The following CFAP54 variants were observed in gnomAD, a reference collection of about 807,000 sequenced individuals.
CFAP54 encodes the protein cilia- and flagella-associated protein 54.
Under a neutral mutation model 370.4 loss-of-function variants are expected in CFAP54, and 290 were observed. The observed-to-expected ratio is 0.78, with a 90% confidence interval of 0.71 to 0.86. The LOEUF is 0.86. Ranked by LOEUF, CFAP54 falls within the 40% of genes least tolerant of loss-of-function variation. CFAP54 has a pLI of 0.00. For synonymous variants in CFAP54, 1,206 were observed against 1,236.5 expected (o/e 0.98, Z 0.52); for missense variants, 3,399 against 3,528.7 (o/e 0.96, Z 0.93).
At position 96,757,901 on chromosome 12, in the gene CFAP54, G is replaced by A. The variant is rs866669437; in HGVS notation, c.8040+313G>A. Reference sequence around the variant, plus strand: ...GTTTCATGGATAACATAAATGCAAGGCAATGAATGAGTCATTAGTATTGAT... The same window carrying A: ...GTTTCATGGATAACATAAATGCAAGACAATGAATGAGTCATTAGTATTGAT... On this transcript the variant is annotated intron_variant, in intron 58 of 67. Coordinates refer to ENST00000524981, the MANE Select transcript of CFAP54 (RefSeq NM_001306084.2). 5.9e-5 allele frequency among the ~76,000 whole-genome samples: 9 copies of A among 152,158 alleles called. No individual in the cohort carries two copies. The Middle Eastern group carries it at 0.014, about 230-fold the overall frequency.
chr12:96,839,345 T>G (rs1959197325), intron 66 of CFAP54, among the ~76,000 whole-genome samples: 1 of 152,224 alleles, frequency 6.6e-6, no homozygotes, highest in African/African-American at 2.4e-5. Flanking sequence ...TTACTATTAC[T>G]CTCATTTAAG....
chr12:96,796,076 G>C (rs1958758562), intron 63 of CFAP54, among the ~76,000 whole-genome samples: 1 of 152,178 alleles, frequency 6.6e-6, no homozygotes, highest in Non-Finnish European at 1.5e-5. Context: ...CCCCAGTGAG[G>C]ATGTTTGTTT....
intron 9 of CFAP54, among the ~76,000 whole-genome samples, chr12:96,529,014 GATTT>G (rs1161754154): frequency 6.6e-6 from 1 of 152,130 alleles, no homozygotes; most frequent in East Asian, 1.9e-4. Flanking sequence ...TACGCAGTGT[GATTT>G]ATTCTTTGAT....
intron 48 of CFAP54, among the ~76,000 whole-genome samples, chr12:96,709,626 T>G (rs1052140057): frequency 6.6e-6 from 1 of 152,038 alleles, no homozygotes. Flanking sequence ...TCTATTGATA[T>G]GGTATGTTAC....
intron 35 of CFAP54, among the ~76,000 whole-genome samples, chr12:96,651,227 T>A (rs1443581550): frequency 6.6e-6 from 1 of 152,202 alleles, no homozygotes; most frequent in South Asian, 2.1e-4. Flanking sequence ...ATGTCTACTT[T>A]TCTAGTGTCC....
intron 40 of CFAP54, among the ~76,000 whole-genome samples, chr12:96,681,414 G>C (rs1055642661): frequency 7.4e-6 from 1 of 135,366 alleles, no homozygotes. Context: ...CCTGTGTGTT[G>C]CTTCTATCCC....
At chr12:96,604,966 GC>G (rs1459316257) in intron 26 of CFAP54, among the ~76,000 whole-genome samples, 11 of 152,150 alleles carry the variant, frequency 7.2e-5, no homozygotes, top group Non-Finnish European at 1.3e-4. Flanking sequence ...GCTTTGGCTG[GC>G]CCTCCATGGG....
At chr12:96,796,258 T>TG (rs1202961025) in intron 63 of CFAP54, among the ~76,000 whole-genome samples, 1 of 152,192 alleles carries the variant, frequency 6.6e-6, no homozygotes, top group African/African-American at 2.4e-5. Flanking sequence ...TCCATTCGAG[T>TG]GGGAACTGCA....
intron 32 of CFAP54, among the ~76,000 whole-genome samples, chr12:96,640,531 C>T (rs1337735128): frequency 6.6e-6 from 1 of 152,184 alleles, no homozygotes; most frequent in African/African-American, 2.4e-5. Flanking sequence ...ATGCCATCCC[C>T]ATCAACCTAC....
intron 15 of CFAP54, among the ~76,000 whole-genome samples, chr12:96,551,599 G>A (rs963025183): frequency 6.6e-6 from 1 of 151,550 alleles, no homozygotes; most frequent in Non-Finnish European, 1.5e-5. Context: ...AATACATAAT[G>A]CAATACATTG....
intron 12 of CFAP54, among the ~76,000 whole-genome samples, chr12:96,536,540 T>C (rs1216581375): frequency 6.6e-6 from 1 of 152,028 alleles, no homozygotes; most frequent in Non-Finnish European, 1.5e-5. Context: ...ATTATTACAG[T>C]GGGAGAGCTA....
chr12:96,653,116 C>T (rs1267949792), intron 36 of CFAP54, among the ~76,000 whole-genome samples: 3 of 152,206 alleles, frequency 2.0e-5, no homozygotes, highest in South Asian at 2.1e-4. Context: ...TCAGACTTCA[C>T]TCCATGTACC....
chr12:96,534,514 A>G (rs904833711), intron 11 of CFAP54, among the ~76,000 whole-genome samples: 3 of 152,118 alleles, frequency 2.0e-5, no homozygotes, highest in Non-Finnish European at 4.4e-5. Context: ...ATGAGGTTCT[A>G]TTTACTTTCC....
Position 96,720,540 on chromosome 12 carries a change from C to G in CFAP54, c.6940C>G (p.Leu2314Val), listed in dbSNP as rs141702931. The G allele has an allele frequency of 3.6e-4, 565 of 1,572,788 alleles. No individual in the cohort carries two copies. Among genetic ancestry groups the G allele is most frequent in the Non-Finnish European group, 4.5e-4 (522 of 1,156,054 alleles). The part of the protein sequence containing the change: ...EARLQLAAVA[L>V]QRHRAAYSAA... Reference sequence around the variant, plus strand: ...CCGGCTTCAGCTGGCTGCAGTTGCTCTGCAGAGGCACCGGGCGGCATACAG... The same window carrying G: ...CCGGCTTCAGCTGGCTGCAGTTGCTGTGCAGAGGCACCGGGCGGCATACAG... Residue 2314 changes from leucine (L) to valine (V), a missense_variant, in exon 50 of 68, where the codon CTG becomes GTG. Coordinates refer to ENST00000524981, the MANE Select transcript of CFAP54 (RefSeq NM_001306084.2).
intron 66 of CFAP54, among the ~76,000 whole-genome samples, chr12:96,852,876 T>C (rs1438492362): frequency 3.3e-5 from 5 of 152,102 alleles, no homozygotes; most frequent in Non-Finnish European, 7.4e-5. Context: ...TGTTACTAGT[T>C]TTCAGGGATG....
At chr12:96,873,180 A>C (rs893776302) in intron 67 of CFAP54, among the ~76,000 whole-genome samples, 1 of 152,238 alleles carries the variant, frequency 6.6e-6, no homozygotes, top group Non-Finnish European at 1.5e-5. Context: ...AAGGATCATG[A>C]GAACATAAGT....
intron 50 of CFAP54, among the ~76,000 whole-genome samples, chr12:96,733,516 T>TGC (rs1001082464): frequency 6.7e-6 from 1 of 148,860 alleles, no homozygotes; most frequent in African/African-American, 2.5e-5. Context: ...CTTCTAGGGC[T>TGC]GCCTCTTTCT....
At chr12:96,874,626 T>A (rs1960254181) in intron 67 of CFAP54, among the ~76,000 whole-genome samples, 1 of 34,434 alleles carries the variant, frequency 2.9e-5, no homozygotes, top group Non-Finnish European at 4.8e-5. Context: ...TTTTTATTTT[T>A]ATTTTATTTT....
At chr12:96,590,410 G>A (rs924887674) in intron 23 of CFAP54, among the ~76,000 whole-genome samples, 7 of 152,118 alleles carry the variant, frequency 4.6e-5, no homozygotes, top group African/African-American at 1.2e-4. Flanking sequence ...AATTTCAGGC[G>A]GTCTCAACAA....
Sources: gnomAD v4.1 joint callset for allele counts (sites outside exome capture counted in the v4.1 genomes callset) on GRCh38, gnomAD v4.1.1 for gene constraint, MANE v1.5 for transcripts, NCBI Gene and HGNC (gene_info 2026-07-23, HGNC 2026-07-21) for gene names.